SNX8: variants seen among roughly 807,000 people sequenced by gnomAD.
SNX8 encodes sorting nexin 8.
In SNX8, 25 loss-of-function variants were observed where a neutral mutation model predicts 51.6. The ratio of observed to expected loss-of-function variants is 0.48; its 90% confidence interval spans 0.35 to 0.68. The LOEUF (loss-of-function observed/expected upper bound fraction) is 0.68, where lower values mean the gene tolerates loss of function less well. Among genes scored for constraint, SNX8 ranks in the 30% least tolerant of loss-of-function variants. The pLI, the probability that SNX8 is intolerant of heterozygous loss-of-function variation, is 0.00. For synonymous variants in SNX8, 324 were observed against 277.0 expected, an observed-to-expected ratio of 1.17 and a Z score of -1.68; for missense variants, 695 against 624.0, an observed-to-expected ratio of 1.11 and a Z score of -1.21.
chr7:2,299,651 A>G lies in SNX8; in HGVS notation c.94+14677T>C, dbSNP rs188316023. ...AGAGTCCTCGTCTCTGTTTAACTAA[A>G]TGCCACCCATGCCTGGTTTCTTGCG... On this transcript the variant is annotated intron_variant, in intron 1 of 10. Transcript: ENST00000222990. Among the ~76,000 whole-genome samples, 117 of 152,256 alleles carry G rather than the reference A, an allele frequency of 7.7e-4. 3 individuals carry two copies. The South Asian group carries it at 0.019, about 25-fold the overall frequency.
intron 1 of SNX8, among the ~76,000 whole-genome samples, chr7:2,343,428 C>G (rs543405148): frequency 8.5e-4 from 130 of 152,188 alleles, no homozygotes; most frequent in African/African-American, 3.0e-3. Context: ...GTAATCCCAG[C>G]ACCTTGGGAG....
At chr7:2,317,504 T>C (rs910553241), upstream of SNX8, among the ~76,000 whole-genome samples, 16 of 151,838 alleles carry the variant, frequency 1.1e-4, no homozygotes, top group African/African-American at 3.9e-4. Context: ...CTCGAACTCC[T>C]GACCTCAAGT....
intron 1 of SNX8, among the ~76,000 whole-genome samples, chr7:2,301,131 T>C (rs1165036739): frequency 6.6e-6 from 1 of 152,212 alleles, no homozygotes; most frequent in Non-Finnish European, 1.5e-5. Flanking sequence ...GGGTGTTATT[T>C]ATGAGAAAGG....
In SNX8 at chr7:2,251,875, A is replaced by G. The variant is rs1246604804; in HGVS notation, c.*3181T>C. 6.6e-6 allele frequency: 1 copy of G among 152,284 alleles called. No individual in the cohort carries two copies. Among genetic ancestry groups the G allele is most frequent in the African/African-American group, 2.4e-5 (1 of 41,446 alleles). 9.4% of individuals were successfully genotyped at this position (152,284 alleles called of 1,614,324 possible). ...TGGGTATTGATCCCTGCAGCCTCCTAAAGTGCTTTGGACATGAACTGACCC... is the reference window on the plus strand; with the variant it reads ...TGGGTATTGATCCCTGCAGCCTCCTGAAGTGCTTTGGACATGAACTGACCC... On this transcript the variant is annotated 3_prime_UTR_variant, in exon 11 of 11. Transcript: ENST00000222990.
chr7:2,349,811 C>A (rs1000803494), intron 1 of SNX8, among the ~76,000 whole-genome samples: 3 of 152,160 alleles, frequency 2.0e-5, no homozygotes, highest in Non-Finnish European at 4.4e-5. Flanking sequence ...TGGCTCACTG[C>A]AGCCTCAACC....
chr7:2,286,135 C>T (rs1796023179), intron 1 of SNX8, among the ~76,000 whole-genome samples: 1 of 151,804 alleles, frequency 6.6e-6, no homozygotes, highest in Non-Finnish European at 1.5e-5. Context: ...CCTCAGCCTT[C>T]AGAGCAGCTG....
chr7:2,259,229 C>T (rs1176841736), intron 7 of SNX8, among the ~76,000 whole-genome samples: 1 of 152,218 alleles, frequency 6.6e-6, no homozygotes, highest in East Asian at 1.9e-4. Flanking sequence ...CCCCCAGCCA[C>T]AACCGCAACC....
Position 2,313,023 on chromosome 7 carries a change from G to C in SNX8, c.94+1305C>G, listed in dbSNP as rs542345449. ...CGCCATTCTCCTGCCTCAGCCTCCC[G>C]AGTAGCTGGGACTACAGGCGCCCGC... On this transcript the variant is annotated intron_variant, in intron 1 of 10. Transcript: ENST00000222990. Among the ~76,000 whole-genome samples, 66 of 151,976 alleles carry C rather than the reference G, an allele frequency of 4.3e-4. 2 individuals are homozygous for C. In the South Asian group the frequency reaches 0.013, roughly 31 times the overall value.
intron 1 of SNX8, chr7:2,310,071 A>G: frequency 2.8e-6 from 1 of 357,844 alleles, no homozygotes; most frequent in Non-Finnish European, 5.6e-6. Flanking sequence ...TAAAGAGTCA[A>G]TGTAGGGCCG....
rs565168477 is a variant in SNX8, at chr7:2,271,985, C to G, written c.419-14G>C. The G allele has an allele frequency of 6.2e-7, 1 of 1,613,766 alleles. No homozygotes were observed. Among genetic ancestry groups the G allele is most frequent in the African/African-American group, 1.3e-5 (1 of 75,054 alleles). The stretch of plus-strand genomic sequence containing the variant: ...ACTCCCTGTCAGCTGGAGGAGCACA[C>G]GGGGTCACTGGACAGAGTCCAGGGC... On this transcript the variant is annotated splice_polypyrimidine_tract_variant and intron_variant, in intron 3 of 10. Transcript: ENST00000222990.
chr7:2,251,944 C>T lies in SNX8; in HGVS notation c.*3112G>A, dbSNP rs1012231204. Reference sequence around the variant, plus strand: ...CCTCAGATGCACAGAGCTGCCCTGACATCCCTTGGCTCGGAGTCCCTGTGC... The same window carrying T: ...CCTCAGATGCACAGAGCTGCCCTGATATCCCTTGGCTCGGAGTCCCTGTGC... On this transcript the variant is annotated 3_prime_UTR_variant, in exon 11 of 11. Transcript: ENST00000222990. 10 of 152,310 alleles carry T rather than the reference C, an allele frequency of 6.6e-5. No individual in the cohort carries two copies. Among genetic ancestry groups the T allele is most frequent in the African/African-American group, 2.4e-4 (10 of 41,474 alleles). 9.4% of individuals were successfully genotyped at this position (152,310 alleles called of 1,614,324 possible).
intron 1 of SNX8, among the ~76,000 whole-genome samples, chr7:2,331,133 CAA>C (rs1383960993): frequency 8.2e-6 from 1 of 121,442 alleles, no homozygotes; most frequent in Non-Finnish European, 1.6e-5. Flanking sequence ...TTGCAGTGAG[CAA>C]AGATTGCACT....
chr7:2,284,672 G>A (rs1795982645), intron 1 of SNX8, among the ~76,000 whole-genome samples: 1 of 151,696 alleles, frequency 6.6e-6, no homozygotes, highest in African/African-American at 2.4e-5. Context: ...CCAAAGTGCT[G>A]GGATTACAGG....
At chr7:2,342,804 T>C (rs1778957270) in intron 1 of SNX8, among the ~76,000 whole-genome samples, 1 of 152,082 alleles carries the variant, frequency 6.6e-6, no homozygotes, top group Non-Finnish European at 1.5e-5. Context: ...TGCTTTTATT[T>C]ATTTATTTAC....
At chr7:2,333,798 G>A (rs1583119473) in intron 1 of SNX8, among the ~76,000 whole-genome samples, 1 of 152,148 alleles carries the variant, frequency 6.6e-6, no homozygotes, top group East Asian at 1.9e-4. Context: ...AATTCTTCCC[G>A]GATACCATAA....
At chr7:2,277,066 C>T (rs1344427282) in intron 2 of SNX8, among the ~76,000 whole-genome samples, 1 of 152,254 alleles carries the variant, frequency 6.6e-6, no homozygotes, top group East Asian at 1.9e-4. Flanking sequence ...CCCTCTCCCA[C>T]ACAGGAGTGG....
rs58789044 is a variant in SNX8 at position 2,283,129 on chromosome 7, A to T, written c.95-4824T>A. Reference sequence around the variant, plus strand: ...AAACCAGACTCCGTCTCAAAAAAAAAAAAAGAAACAAACAAACAGGATTTA... The same window carrying T: ...AAACCAGACTCCGTCTCAAAAAAAATAAAAGAAACAAACAAACAGGATTTA... On this transcript the variant is annotated intron_variant, in intron 1 of 10. Coordinates refer to ENST00000222990, the MANE Select transcript of SNX8 (RefSeq NM_013321.4). Among the ~76,000 whole-genome samples, 876 of 152,094 alleles carry T rather than the reference A, an allele frequency of 5.8e-3. 9 individuals are homozygous for T. Among genetic ancestry groups the T allele is most frequent in the African/African-American group, 0.02 (816 of 41,508 alleles).
At chr7:2,302,252 G>A (rs1562447371) in intron 1 of SNX8, among the ~76,000 whole-genome samples, 4 of 152,306 alleles carry the variant, frequency 2.6e-5, no homozygotes, top group South Asian at 2.1e-4. Flanking sequence ...GCAGGCTCGC[G>A]CCGCCACGCC....
intron 4 of SNX8, among the ~76,000 whole-genome samples, chr7:2,270,314 CAAAAAA>C (rs57983721): frequency 2.3e-4 from 13 of 57,086 alleles, no homozygotes; most frequent in African/African-American, 8.6e-4. Context: ...TCTCATTTTA[CAAAAAA>C]AAAAAAAAAA....
Sources: gnomAD v4.1 joint callset for allele counts (sites outside exome capture counted in the v4.1 genomes callset) on GRCh38, gnomAD v4.1.1 for gene constraint, MANE v1.5 for transcripts, NCBI Gene and HGNC (gene_info 2026-07-23, HGNC 2026-07-21) for gene names.